Variants in CLIP2 observed in about 807,000 individuals in gnomAD.
CLIP2 encodes CAP-Gly domain-containing linker protein 2.
CLIP2 carries 41 observed loss-of-function variants against 111.7 expected under a neutral mutation model. That is an observed-to-expected ratio of 0.37 (90% CI 0.29 to 0.48). The LOEUF (loss-of-function observed/expected upper bound fraction) is 0.48. Ranked by LOEUF, CLIP2 falls within the 20% of genes least tolerant of loss-of-function variation. The pLI, the probability that CLIP2 is intolerant of heterozygous loss-of-function variation, is 0.99. For synonymous variants in CLIP2, 660 were observed against 644.2 expected, an observed-to-expected ratio of 1.02 and a Z score of -0.37; for missense variants, 1,160 against 1,422.1, an observed-to-expected ratio of 0.82 and a Z score of 2.96.
chr7:74,314,656 G>A (rs1788722028), intron 1 of CLIP2, among the ~76,000 whole-genome samples: 2 of 152,208 alleles, frequency 1.3e-5, no homozygotes, highest in Admixed American at 1.3e-4. Context: ...TCCGACTATG[G>A]TGCTCTGAAT....
chr7:74,327,931 T>C (rs1240220672), intron 2 of CLIP2, among the ~76,000 whole-genome samples: 1 of 152,214 alleles, frequency 6.6e-6, no homozygotes, highest in Non-Finnish European at 1.5e-5. Flanking sequence ...GAGCAGAGAC[T>C]CTGTTCTCCT....
chr7:74,403,780 G>A (rs1045300200), intron 16 of CLIP2, 57 bp from the exon 17 acceptor site: 19 of 1,602,480 alleles, frequency 1.2e-5, no homozygotes, highest in African/African-American at 5.4e-5. Context: ...CCCTCTGGCC[G>A]CCTGGCCCTC....
intron 2 of CLIP2, among the ~76,000 whole-genome samples, chr7:74,321,904 A>G (rs1346529008): frequency 2.0e-5 from 3 of 151,774 alleles, no homozygotes; most frequent in Non-Finnish European, 4.4e-5. Context: ...CAGACGTGCA[A>G]ACTCCATTCG....
chr7:74,310,586 G>A (rs1437381009), intron 1 of CLIP2, among the ~76,000 whole-genome samples: 2 of 152,160 alleles, frequency 1.3e-5, no homozygotes, highest in Non-Finnish European at 2.9e-5. Flanking sequence ...GGCACTGGTT[G>A]ATGGAGATTT....
chr7:74,340,714 C>T (rs1285689225), intron 3 of CLIP2, among the ~76,000 whole-genome samples: 2 of 152,126 alleles, frequency 1.3e-5, no homozygotes, highest in Non-Finnish European at 2.9e-5. Flanking sequence ...CTTGGGCTAA[C>T]CCTGCACCTG....
In CLIP2 at chr7:74,375,746, C is replaced by T. The variant is rs180922584; in HGVS notation, c.1486-141C>T. Reference sequence around the variant, plus strand: ...GCCAGCACTCAGGAGGGAGTGAGCGCCTTTCCCTTCCCATGACCTCCACCT... The same window carrying T: ...GCCAGCACTCAGGAGGGAGTGAGCGTCTTTCCCTTCCCATGACCTCCACCT... On this transcript the variant is annotated intron_variant, in intron 9 of 16. Transcript: ENST00000223398. 4.6e-4 allele frequency: 303 copies of T among 652,928 alleles called. 1 individual carries two copies. The Middle Eastern group carries it at 5.2e-3, about 11-fold the overall frequency. 40.4% of individuals were successfully genotyped at this position (652,928 alleles called of 1,614,324 possible).
chr7:74,303,594 A>AT (rs782240875), intron 1 of CLIP2, among the ~76,000 whole-genome samples: 17,217 of 105,598 alleles, frequency 0.16, 2,358 homozygotes, highest in African/African-American at 0.36. Context: ...TGTGTCTCTT[A>AT]TTTTTTTTTT....
chr7:74,341,707 T>G (rs1160911145), intron 3 of CLIP2, among the ~76,000 whole-genome samples: 3 of 151,878 alleles, frequency 2.0e-5, no homozygotes, highest in Non-Finnish European at 4.4e-5. Flanking sequence ...TCCTCCTGCC[T>G]CAGCCTCCCA....
At position 74,338,530 on chromosome 7, in the gene CLIP2, G is replaced by A. The variant is rs781879604; in HGVS notation, c.204G>A (p.Ala68=). 5.6e-6 allele frequency: 9 copies of A among 1,604,464 alleles called. No individual in the cohort carries two copies. Among genetic ancestry groups the A allele is most frequent in the South Asian group, 4.4e-5 (4 of 89,982 alleles). Residue 68 remains alanine, a synonymous_variant, in exon 3 of 17, where the codon GCG becomes GCA. Coordinates refer to ENST00000223398, the MANE Select transcript of CLIP2 (RefSeq NM_003388.5). This position sits in a 1 kb window ranked among gnomAD's most constrained non-coding sequence, Gnocchi z 4.3. ...AAAPEKPGPK[A]AEVGDDFLGD... The stretch of plus-strand genomic sequence containing the variant: ...CCCCCGAGAAGCCGGGCCCCAAGGC[G>A]GCGGAAGTGGGGGATGACTTCCTGG...
At chr7:74,339,096 C>A in intron 3 of CLIP2, 92 bp downstream of exon 3, 2 of 1,281,282 alleles carry the variant, frequency 1.6e-6, no homozygotes, top group Non-Finnish European at 2.1e-6. Flanking sequence ...CTGGGCTGGG[C>A]AGGGTGGGGA....
intron 2 of CLIP2, among the ~76,000 whole-genome samples, chr7:74,331,945 G>GA (rs1789297243): frequency 6.6e-6 from 1 of 152,032 alleles, no homozygotes; most frequent in Non-Finnish European, 1.5e-5. Flanking sequence ...GTGTCTTAAA[G>GA]AAAAAAATGT....
chr7:74,388,513 T>A (rs1396285251), intron 12 of CLIP2, among the ~76,000 whole-genome samples: 7 of 150,150 alleles, frequency 4.7e-5, no homozygotes, highest in Admixed American at 1.3e-4. Flanking sequence ...AAAAAAAAAA[T>A]TTGGCCGGGC....
At chr7:74,384,925 T>C (rs1206118829) in intron 11 of CLIP2, among the ~76,000 whole-genome samples, 18 of 151,892 alleles carry the variant, frequency 1.2e-4, no homozygotes, top group Non-Finnish European at 2.6e-4. Context: ...GAGGATCACT[T>C]GAGCCTAGGA....
chr7:74,386,552 A>G lies in CLIP2; in HGVS notation c.2511A>G (p.Lys837=). Residue 837 remains lysine (K), a synonymous_variant, in exon 12 of 17, where the codon AAA becomes AAG. Coordinates refer to ENST00000223398, the MANE Select transcript of CLIP2 (RefSeq NM_003388.5). ...GLQDKLNKRD[K]EVTALTSQTE... is the part of the protein sequence containing the mutation. The stretch of plus-strand genomic sequence containing the variant: ...AGGACAAGCTGAACAAGAGGGACAA[A>G]GAGGTGACAGCCTTGACCTCCCAGA... The G allele has an allele frequency of 6.2e-7, 1 of 1,611,568 alleles. No individual in the cohort carries two copies. The highest frequency in any genetic ancestry group is 8.5e-7 in the Non-Finnish European group (1 of 1,178,946).
At chr7:74,368,438 A>G (rs1410702692) in intron 8 of CLIP2, among the ~76,000 whole-genome samples, 3 of 151,692 alleles carry the variant, frequency 2.0e-5, no homozygotes, top group Non-Finnish European at 4.4e-5. Flanking sequence ...AATCGCTTGA[A>G]CCTGGGAGGC....
chr7:74,329,866 G>T (rs1318938725), intron 2 of CLIP2, among the ~76,000 whole-genome samples: 6 of 151,960 alleles, frequency 3.9e-5, no homozygotes, highest in African/African-American at 7.3e-5. Flanking sequence ...TGCAACCTCT[G>T]CCTCCTGGGT....
rs1354601796 is a variant in CLIP2 at position 74,371,596 on chromosome 7, A to G, written c.1381-1336A>G. ...CAGGAAGGGAGAGAGGGGAAAAGAG[A>G]AGGAGAGAAGGAGGGAGGGAGGGAA... is the stretch of plus-strand genomic sequence containing the variant. On this transcript the variant is annotated intron_variant, in intron 8 of 16. Transcript: ENST00000223398. Among the ~76,000 whole-genome samples the G allele has an allele frequency of 4.3e-5, 6 of 139,242 alleles. No homozygotes were observed. The East Asian group carries it at 1.4e-3, about 33-fold the overall frequency. 91.3% of individuals were successfully genotyped at this position (139,242 alleles called of 152,430 possible).
At chr7:74,400,268 A>C in intron 14 of CLIP2, 102 bp from the exon 15 acceptor site, 1 of 1,061,312 alleles carries the variant, frequency 9.4e-7, no homozygotes, top group Non-Finnish European at 1.4e-6. Flanking sequence ...CTTGGAACCC[A>C]GAGACAAAGT....
chr7:74,389,588 TAAAAAAAAAAAAA>T (rs149173666), intron 13 of CLIP2, among the ~76,000 whole-genome samples: 37 of 104,640 alleles, frequency 3.5e-4, no homozygotes, highest in Admixed American at 5.5e-4. Context: ...CCCCTATCTC[TAAAAAAAAAAAAA>T]AAAAAAAAAA....
Sources: gnomAD v4.1 joint callset for allele counts (sites outside exome capture counted in the v4.1 genomes callset) on GRCh38, gnomAD v4.1.1 for gene constraint, Gnocchi (gnomAD v3.1) non-coding constraint, MANE v1.5 for transcripts, NCBI Gene and HGNC (gene_info 2026-07-23, HGNC 2026-07-21) for gene names.